The following BTBD9 variants were observed in gnomAD, a reference collection of about 807,000 sequenced individuals.
BTBD9 encodes BTB/POZ domain-containing protein 9.
BTBD9 carries 49 observed loss-of-function variants against 64.3 expected under a neutral mutation model. The observed-to-expected ratio is 0.76, with a 90% CI of 0.61 to 0.97. BTBD9 has a LOEUF of 0.97. BTBD9 is among the 50% of genes least tolerant of loss of function. The pLI, the probability that BTBD9 is intolerant of heterozygous loss-of-function variation, is 0.00. For missense variants in BTBD9, 598 were observed against 762.1 expected (o/e 0.78, Z 2.53); for synonymous variants, 260 against 274.7 (o/e 0.95, Z 0.53).
At chr6:38,629,108 T>C (rs1778275301) in intron 1 of BTBD9, among the ~76,000 whole-genome samples, 1 of 152,118 alleles carries the variant, frequency 6.6e-6, no homozygotes, top group South Asian at 2.1e-4. Flanking sequence ...ATCACTGAGA[T>C]ATTAATTAAC....
At chr6:38,214,570 T>C (rs778943592) in intron 9 of BTBD9, among the ~76,000 whole-genome samples, 1 of 152,198 alleles carries the variant, frequency 6.6e-6, no homozygotes, top group Non-Finnish European at 1.5e-5. Context: ...GTCACTTTAG[T>C]TGGCCAGAAG....
intron 9 of BTBD9, among the ~76,000 whole-genome samples, chr6:38,250,433 C>A (rs1270495635): frequency 1.3e-5 from 2 of 152,174 alleles, no homozygotes; most frequent in African/African-American, 4.8e-5. Context: ...TCTGTTTCAT[C>A]AGAACAGTAC....
chr6:38,395,228 A>G (rs2127626821), intron 6 of BTBD9, among the ~76,000 whole-genome samples: 1 of 152,136 alleles, frequency 6.6e-6, no homozygotes, highest in African/African-American at 2.4e-5. Context: ...CCCCAAAGTT[A>G]GAGACCAGCC....
intron 6 of BTBD9, among the ~76,000 whole-genome samples, chr6:38,383,609 T>C (rs904862151): frequency 6.6e-6 from 1 of 152,146 alleles, no homozygotes; most frequent in Non-Finnish European, 1.5e-5. Context: ...ACAAAAGATG[T>C]AGCAGATATG....
chr6:38,596,673 C>T (rs1015909345), intron 2 of BTBD9, among the ~76,000 whole-genome samples: 2 of 151,932 alleles, frequency 1.3e-5, no homozygotes, highest in East Asian at 3.9e-4. Context: ...TGGTGGCAGG[C>T]GCCCGTAGTC....
intron 8 of BTBD9, among the ~76,000 whole-genome samples, chr6:38,259,916 G>C (rs1337498878): frequency 2.0e-5 from 3 of 152,088 alleles, no homozygotes; most frequent in Admixed American, 6.5e-5. Context: ...TTCTTAAGTG[G>C]CCCAAAATTC....
At chr6:38,417,798 GAGAA>G (rs1408669215) in intron 6 of BTBD9, among the ~76,000 whole-genome samples, 8 of 103,576 alleles carry the variant, frequency 7.7e-5, no homozygotes, top group Non-Finnish European at 1.4e-4. Context: ...GAGAGAGAGA[GAGAA>G]AAAAAATATT....
At chr6:38,295,233 C>T (rs572171192) in intron 7 of BTBD9, among the ~76,000 whole-genome samples, 143 of 152,266 alleles carry the variant, frequency 9.4e-4, no homozygotes, top group African/African-American at 3.3e-3. Context: ...GGTACGATCA[C>T]GGTTCACTAC....
intron 6 of BTBD9, among the ~76,000 whole-genome samples, chr6:38,449,271 T>C (rs1170836831): frequency 6.6e-6 from 1 of 152,192 alleles, no homozygotes; most frequent in Non-Finnish European, 1.5e-5. Context: ...AAAGAAAGAA[T>C]AGTCTGCCTC....
intron 6 of BTBD9, among the ~76,000 whole-genome samples, chr6:38,381,378 T>C (rs902383000): frequency 6.6e-6 from 1 of 152,140 alleles, no homozygotes; most frequent in African/African-American, 2.4e-5. Flanking sequence ...GGTAACTATA[T>C]ACTGATAAAA....
intron 6 of BTBD9, among the ~76,000 whole-genome samples, chr6:38,474,119 T>C (rs1770774353): frequency 1.3e-5 from 2 of 152,208 alleles, no homozygotes; most frequent in African/African-American, 4.8e-5. Context: ...ATGGGTTATG[T>C]ACATGATCTG....
chr6:38,437,862 A>G (rs1412373109), intron 6 of BTBD9, among the ~76,000 whole-genome samples: 1 of 152,128 alleles, frequency 6.6e-6, no homozygotes, highest in African/African-American at 2.4e-5. Flanking sequence ...TGGGTGGGGA[A>G]TGGGAAAACA....
chr6:38,230,507 A>G (rs866309092), intron 9 of BTBD9, among the ~76,000 whole-genome samples: 2 of 151,316 alleles, frequency 1.3e-5, no homozygotes, highest in African/African-American at 4.8e-5. Flanking sequence ...AAAAAAAAAA[A>G]AAAAAAAAAA....
At chr6:38,362,892 T>C (rs1028320616) in intron 6 of BTBD9, among the ~76,000 whole-genome samples, 1 of 152,096 alleles carries the variant, frequency 6.6e-6, no homozygotes, top group East Asian at 1.9e-4. Flanking sequence ...TCTAGAAGGA[T>C]AATATTATTG....
rs1342184943 is a variant in BTBD9 at position 38,592,713 on chromosome 6, C to T, written c.677G>A (p.Arg226His). ...ENHAEIMQAV[R>H]LPLMSLTELL... ...CTCTGTGAGGCTCATGAGAGGTAAA[C>T]GCACAGCCTGCATGATTTCAGCATG... Residue 226 changes from arginine (R) to histidine (H), a missense_variant, in exon 4 of 11, where the codon CGT becomes CAT. Transcript: ENST00000481247. 4.3e-6 allele frequency: 7 copies of T among 1,614,168 alleles called. No individual in the cohort carries two copies. The highest frequency in any genetic ancestry group is 1.6e-4 in the Middle Eastern group (1 of 6,062).
intron 6 of BTBD9, among the ~76,000 whole-genome samples, chr6:38,406,453 G>C (rs1677605758): frequency 6.6e-6 from 1 of 152,124 alleles, no homozygotes; most frequent in Non-Finnish European, 1.5e-5. Context: ...TTTCTTGTCA[G>C]AATTGGTACT....
intron 6 of BTBD9, among the ~76,000 whole-genome samples, chr6:38,528,316 G>A (rs77151696): frequency 1.4e-3 from 217 of 152,198 alleles, no homozygotes; most frequent in African/African-American, 4.8e-3. Context: ...AAAGTGTTCC[G>A]GGGCCTTCAA....
chr6:38,587,764 G>A, intron 4 of BTBD9: 1 of 702,674 alleles, frequency 1.4e-6, no homozygotes, highest in East Asian at 2.9e-5. Context: ...TGGTAGGGAA[G>A]AAAAGCCTGC....
intron 9 of BTBD9, among the ~76,000 whole-genome samples, chr6:38,222,541 G>T (rs374341446): frequency 1.3e-5 from 2 of 152,034 alleles, no homozygotes; most frequent in South Asian, 2.1e-4. Context: ...TTACAGGCAT[G>T]AACCACTGCG....
Sources: gnomAD v4.1 joint callset for allele counts (sites outside exome capture counted in the v4.1 genomes callset) on GRCh38, gnomAD v4.1.1 for gene constraint, MANE v1.5 for transcripts, NCBI Gene and HGNC (gene_info 2026-07-23, HGNC 2026-07-21) for gene names.